TASP1: variants seen among roughly 807,000 people sequenced by gnomAD.
TASP1 encodes taspase 1.
TASP1 carries 16 observed loss-of-function variants against 56.6 expected under a neutral mutation model. That is an observed-to-expected ratio of 0.28 (90% CI 0.19 to 0.43). The LOEUF (loss-of-function observed/expected upper bound fraction) is 0.43. Ranked by LOEUF, TASP1 falls within the 20% of genes least tolerant of loss-of-function variation. The pLI is 1.00. For missense variants in TASP1, 393 were observed against 511.6 expected (o/e 0.77, Z 2.24); for synonymous variants, 179 against 184.2 (o/e 0.97, Z 0.23).
intron 11 of TASP1, among the ~76,000 whole-genome samples, chr20:13,445,224 A>G (rs1199143649): frequency 6.6e-6 from 1 of 152,206 alleles, no homozygotes; most frequent in Non-Finnish European, 1.5e-5. Flanking sequence ...AAACCAAACC[A>G]AACTGAGAAT....
chr20:13,299,143 T>G, the TASP1 span: 1 of 1,612,704 alleles, frequency 6.2e-7, no homozygotes, highest in Non-Finnish European at 8.5e-7. The surrounding 1 kb of genome is among the most constrained non-coding windows in gnomAD (Gnocchi z 5.8). Flanking sequence ...AAGCTGGAGA[T>G]CTACAAGCCC....
intron 4 of TASP1, among the ~76,000 whole-genome samples, chr20:13,588,281 G>A (rs895890529): frequency 5.3e-4 from 73 of 136,736 alleles, no homozygotes; most frequent in Admixed American, 1.3e-3. Flanking sequence ...AAGGAAGGAA[G>A]GAAGGAAGGA....
At chr20:13,277,985 C>A in the TASP1 span, among the ~76,000 whole-genome samples, 1 of 152,182 alleles carries the variant, frequency 6.6e-6, no homozygotes, top group Non-Finnish European at 1.5e-5. Context: ...TGGGCACGCC[C>A]TGGTGCAATT....
chr20:13,166,676 T>C, the TASP1 span: 1 of 152,240 alleles, frequency 6.6e-6, no homozygotes, highest in African/African-American at 2.4e-5. Flanking sequence ...CCTTGCGTTC[T>C]ATAAAGGAAA....
At chr20:13,255,739 T>G in the TASP1 span, among the ~76,000 whole-genome samples, 39 of 152,296 alleles carry the variant, frequency 2.6e-4, no homozygotes, top group South Asian at 8.1e-3. Flanking sequence ...CAGCCATTAC[T>G]TGCCCCCTCA....
At chr20:13,382,047 C>G in the TASP1 span, among the ~76,000 whole-genome samples, 1 of 152,098 alleles carries the variant, frequency 6.6e-6, no homozygotes, top group Non-Finnish European at 1.5e-5. Flanking sequence ...GCCTGCTCCT[C>G]CTGGTGAGAT....
At position 13,587,455 on chromosome 20, in the gene TASP1, A is replaced by G. The variant is rs1432477039; in HGVS notation, c.283-85T>C. The G allele has an allele frequency of 6.2e-6, 7 of 1,125,150 alleles. No individual in the cohort carries two copies. In the East Asian group the frequency reaches 1.8e-4, roughly 29 times the overall value. 69.7% of individuals were successfully genotyped at this position (1,125,150 alleles called of 1,614,324 possible). ...TCCTTCATGAAATTTTCTAAAAGCTAGAAGGTGAGAGAATACTTTCCAACA... is the reference window on the plus strand; with the variant it reads ...TCCTTCATGAAATTTTCTAAAAGCTGGAAGGTGAGAGAATACTTTCCAACA... On this transcript the variant is annotated intron_variant, in intron 4 of 13. Transcript: ENST00000337743.
chr20:13,350,447 A>G, the TASP1 span, among the ~76,000 whole-genome samples: 1 of 152,188 alleles, frequency 6.6e-6, no homozygotes, highest in Non-Finnish European at 1.5e-5. Flanking sequence ...AAAAATGTTG[A>G]AAAAAATAAA....
chr20:13,506,020 TAAAAG>T (rs1221511118), intron 10 of TASP1, among the ~76,000 whole-genome samples: 1 of 151,414 alleles, frequency 6.6e-6, no homozygotes, highest in Non-Finnish European at 1.5e-5. Context: ...AGACTAAGAA[TAAAAG>T]AAAAAAGACT....
intron 8 of TASP1, among the ~76,000 whole-genome samples, chr20:13,552,265 G>C (rs1260083069): frequency 1.3e-5 from 2 of 152,176 alleles, no homozygotes; most frequent in African/African-American, 4.8e-5. Flanking sequence ...ATCACGATCA[G>C]TGACCAATCA....
the TASP1 span, among the ~76,000 whole-genome samples, chr20:13,201,649 T>C: frequency 3.3e-5 from 5 of 151,268 alleles, no homozygotes; most frequent in African/African-American, 1.2e-4. Flanking sequence ...AGAACTATCA[T>C]AAATATAGGT....
At chr20:13,599,791 TAAAA>T (rs35137286) in intron 4 of TASP1, among the ~76,000 whole-genome samples, 2 of 141,566 alleles carry the variant, frequency 1.4e-5, no homozygotes, top group Admixed American at 7.1e-5. Flanking sequence ...ATTCGTGATT[TAAAA>T]AAAAAAAAAA....
the TASP1 span, among the ~76,000 whole-genome samples, chr20:13,136,618 T>TATATATATAA: frequency 6.8e-6 from 1 of 146,178 alleles, no homozygotes; most frequent in African/African-American, 2.5e-5. Context: ...TATATATATA[T>TATATATATAA]AATATACATA....
At chr20:13,481,362 G>A (rs901020304) in intron 11 of TASP1, among the ~76,000 whole-genome samples, 9 of 152,072 alleles carry the variant, frequency 5.9e-5, no homozygotes, top group African/African-American at 2.2e-4. Flanking sequence ...TGGCTATTGT[G>A]AACGCTGCCA....
the TASP1 span, among the ~76,000 whole-genome samples, chr20:13,195,622 C>A: frequency 6.6e-6 from 1 of 152,142 alleles, no homozygotes; most frequent in Non-Finnish European, 1.5e-5. Context: ...TCCTTCCCTC[C>A]CAGTCTTAGT....
the TASP1 span, among the ~76,000 whole-genome samples, chr20:13,283,049 A>AT: frequency 6.6e-6 from 1 of 152,042 alleles, no homozygotes; most frequent in African/African-American, 2.4e-5. Context: ...TATTTATTTA[A>AT]TTTTTTTAAG....
intron 1 of TASP1, among the ~76,000 whole-genome samples, chr20:13,632,806 A>T (rs1391494436): frequency 2.6e-5 from 4 of 152,258 alleles, no homozygotes; most frequent in Non-Finnish European, 5.9e-5. Context: ...AAGGTCTGAC[A>T]TCTAATAAAT....
At chr20:13,605,658 AAC>A (rs1215082506) in intron 4 of TASP1, among the ~76,000 whole-genome samples, 1 of 152,190 alleles carries the variant, frequency 6.6e-6, no homozygotes, top group Non-Finnish European at 1.5e-5. Context: ...CAGCCTGGGC[AAC>A]AGAGTGAGAC....
intron 12 of TASP1, among the ~76,000 whole-genome samples, chr20:13,428,960 A>C (rs529452499): frequency 6.6e-6 from 1 of 152,368 alleles, no homozygotes; most frequent in South Asian, 2.1e-4. Flanking sequence ...GTTCAATATG[A>C]CATGGCTTCT....
Sources: allele counts gnomAD v4.1 joint callset (sites outside exome capture counted in the v4.1 genomes callset), GRCh38; gene constraint gnomAD v4.1.1; non-coding constraint Gnocchi (gnomAD v3.1); transcripts MANE v1.5; gene names NCBI Gene and HGNC (gene_info 2026-07-23, HGNC 2026-07-21).